Variants in CCDC9 observed in about 807,000 individuals in gnomAD.
CCDC9 encodes the protein coiled-coil domain-containing protein 9.
CCDC9 carries 52 observed loss-of-function variants against 65.6 expected under a neutral mutation model. That is an observed-to-expected ratio of 0.79 (90% CI 0.63 to 1.00). The LOEUF (loss-of-function observed/expected upper bound fraction) is 1.00, where lower values mean the gene tolerates loss of function less well. Ranked by LOEUF, CCDC9 falls within the 50% of genes least tolerant of loss-of-function variation. The probability of loss-of-function intolerance (pLI) is 0.00; values close to 1 mark genes in which losing one functional copy is unlikely to be tolerated. For missense variants in CCDC9, 834 were observed against 757.2 expected, an observed-to-expected ratio of 1.10 and a Z score of -1.19; for synonymous variants, 332 against 280.3, an observed-to-expected ratio of 1.18 and a Z score of -1.84.
chr19:47,270,563 C>T lies in CCDC9; in HGVS notation c.960C>T (p.Ala320=). Residue 320 remains alanine, a synonymous_variant, in exon 10 of 12, where the codon GCC becomes GCT. Coordinates refer to ENST00000221922, the MANE Select transcript of CCDC9 (RefSeq NM_015603.3). ...HEPSHRYDDQ[A]WARPPKPPTF... is the part of the protein sequence containing the mutation. ...TGGGTTCTGTTGCAGATGACCAGGC[C>T]TGGGCCCGGCCCCCGAAGCCCCCTA... 1.2e-6 allele frequency: 2 copies of T among 1,614,122 alleles called. No individual in the cohort carries two copies. Among genetic ancestry groups the T allele is most frequent in the South Asian group, 1.1e-5 (1 of 91,080 alleles).
At chr19:47,275,288 TCCGAGCCGCCAGA>T (rs914332018), downstream of CCDC9, 76 of 1,545,820 alleles carry the variant, frequency 4.9e-5, no homozygotes, top group Non-Finnish European at 6.2e-5. Flanking sequence ...CTGACCGCCG[TCCGAGCCGCCAGA>T]CACCCAGAGA....
chr19:47,259,243 G>A (rs909046116), intron 3 of CCDC9, among the ~76,000 whole-genome samples: 1 of 152,192 alleles, frequency 6.6e-6, no homozygotes, highest in Admixed American at 6.5e-5. Flanking sequence ...ACCTGGGCAG[G>A]TCAGCAGGGG....
intron 1 of CCDC9, among the ~76,000 whole-genome samples, chr19:47,256,980 G>T (rs1249622713): frequency 6.6e-6 from 1 of 151,476 alleles, no homozygotes; most frequent in Non-Finnish European, 1.5e-5. Context: ...TTCTTGGCCG[G>T]GACGTTGGGG....
chr19:47,272,232 C>T (rs1482188293), downstream of CCDC9: 3 of 1,018,390 alleles, frequency 2.9e-6, no homozygotes, highest in Non-Finnish European at 3.8e-6. Context: ...GGGCAGAGGG[C>T]TTGGGGGGAG....
chr19:47,257,386 A>C (rs1416857997), intron 1 of CCDC9: 2 of 145,460 alleles, frequency 1.4e-5, no homozygotes, highest in Non-Finnish European at 3.0e-5. Flanking sequence ...GTGGCTGGGA[A>C]AGTCGGGAGC....
At chr19:47,274,600 C>T, downstream of CCDC9, 2 of 185,090 alleles carry the variant, frequency 1.1e-5, no homozygotes, top group East Asian at 1.4e-4. Flanking sequence ...GATGCCTGGG[C>T]TGGATGAAGT....
downstream of CCDC9, chr19:47,274,322 C>T (rs1202981320): frequency 7.5e-6 from 1 of 133,410 alleles, no homozygotes; most frequent in Non-Finnish European, 1.6e-5. Context: ...GGGGCGGGGT[C>T]AGCGCGCGCG....
At position 47,260,423 on chromosome 19, in the gene CCDC9, G is replaced by A. The variant is rs774489752; in HGVS notation, c.210+1G>A. On this transcript the variant is annotated splice_donor_variant, in intron 4 of 11. Transcript: ENST00000221922. LOFTEE classifies it high-confidence loss of function. ...GAAGGAGAACGTGGCAGTGGAGTCG[G>A]TGAGCTCGTCACTGGGGTGTGGGAC... The A allele has an allele frequency of 6.2e-7, 1 of 1,608,730 alleles. No individual in the cohort carries two copies. Among genetic ancestry groups the A allele is most frequent in the Non-Finnish European group, 8.5e-7 (1 of 1,177,658 alleles).
intron 1 of CCDC9, chr19:47,257,958 G>GTTT (rs2059021791): frequency 5.1e-6 from 1 of 195,096 alleles, no homozygotes; most frequent in Non-Finnish European, 1.1e-5. Flanking sequence ...GTTGTAGTTG[G>GTTT]AACTCTCTTG....
At chr19:47,267,880 C>T (rs565778988) in intron 8 of CCDC9, among the ~76,000 whole-genome samples, 2 of 151,768 alleles carry the variant, frequency 1.3e-5, no homozygotes, top group African/African-American at 2.4e-5. Flanking sequence ...CGGAGTCTCG[C>T]ACTGTTGCCG....
intron 8 of CCDC9, among the ~76,000 whole-genome samples, chr19:47,267,775 C>T (rs1235471147): frequency 6.6e-6 from 1 of 152,310 alleles, no homozygotes; most frequent in Non-Finnish European, 1.5e-5. Flanking sequence ...ACCTTTGCAT[C>T]CTCCTGCCAG....
At chr19:47,265,951 G>A (rs1422469647) in intron 7 of CCDC9, among the ~76,000 whole-genome samples, 2 of 143,994 alleles carry the variant, frequency 1.4e-5, no homozygotes, top group African/African-American at 2.7e-5. Context: ...CTCCCAAAGT[G>A]CTGAGATTAC....
downstream of CCDC9, chr19:47,275,547 C>T (rs1311782049): frequency 9.2e-5 from 63 of 687,038 alleles, no homozygotes; most frequent in Non-Finnish European, 1.2e-5. Flanking sequence ...GTGGTCAGGC[C>T]GGGTCCTCCA....
At chr19:47,260,224 TG>T in intron 3 of CCDC9, 96 bp from the exon 4 acceptor site, 1 of 846,836 alleles carries the variant, frequency 1.2e-6, no homozygotes, top group Non-Finnish European at 1.9e-6. Flanking sequence ...GAGAGAGGCC[TG>T]GGCTGGGGCC....
chr19:47,273,838 C>T (rs1234900652), downstream of CCDC9: 1 of 349,678 alleles, frequency 2.9e-6, no homozygotes, highest in Non-Finnish European at 4.2e-6. Context: ...TCCGCTCACC[C>T]TTGAACTGTG....
rs1600293572 is a variant in CCDC9, at chr19:47,271,773, G to A, written c.*95G>A. The A allele has an allele frequency of 2.7e-6, 4 of 1,469,812 alleles. No homozygotes were observed. The highest frequency in any genetic ancestry group is 3.6e-6 in the Non-Finnish European group (4 of 1,116,546). The allele number at this position is 1,469,812 out of a possible 1,614,324, so 91.0% of individuals were successfully genotyped here. A position where few individuals can be genotyped will look rare whatever the true frequency, so the allele number is the denominator to read the frequency against. ...CGCGCGCGCGCGCTAGAGGGGTGTG[G>A]CTGGTGGGGGACCCTTGGGGCTGGG... On this transcript the variant is annotated 3_prime_UTR_variant, in exon 12 of 12. Coordinates refer to ENST00000221922, the MANE Select transcript of CCDC9 (RefSeq NM_015603.3).
At chr19:47,260,958 G>A (rs905536367) in intron 5 of CCDC9, 119 bp downstream of exon 5, 3 of 1,199,536 alleles carry the variant, frequency 2.5e-6, no homozygotes, top group Non-Finnish European at 3.4e-6. Flanking sequence ...CTCTCTCTGA[G>A]CCTTTGCATC....
Position 47,271,260 on chromosome 19 carries a change from C to G in CCDC9, c.1192-14C>G, listed in dbSNP as rs774734214. On this transcript the variant is annotated splice_polypyrimidine_tract_variant and intron_variant, in intron 11 of 11. Transcript: ENST00000221922. ...GGACCTGTGCCTTGCCCTGACTTGC[C>G]TGTGTCCCCAAAGCCACCCGAGATC... 3 of 1,611,634 alleles carry G rather than the reference C, an allele frequency of 1.9e-6. No homozygotes were observed. Among genetic ancestry groups the G allele is most frequent in the South Asian group, 2.2e-5 (2 of 90,680 alleles).
intron 1 of CCDC9, 36 bp from the exon 2 acceptor site, chr19:47,258,294 C>T (rs1038408440): frequency 3.1e-5 from 37 of 1,192,044 alleles, no homozygotes; most frequent in Non-Finnish European, 4.3e-5. Flanking sequence ...GTTGGGGGGC[C>T]ATTGGCCTTT....
Sources: allele counts gnomAD v4.1 joint callset (sites outside exome capture counted in the v4.1 genomes callset), GRCh38; gene constraint gnomAD v4.1.1; transcripts MANE v1.5; gene names NCBI Gene and HGNC (gene_info 2026-07-23, HGNC 2026-07-21).